Variants in THRB observed in about 807,000 individuals in gnomAD.
The protein encoded by THRB is nuclear receptor subfamily 1 group A member 2.
THRB carries 12 observed loss-of-function variants against 47.8 expected under a neutral mutation model. The observed-to-expected ratio is 0.25, with a 90% CI of 0.16 to 0.41. The LOEUF (loss-of-function observed/expected upper bound fraction) is 0.41, where lower values mean the gene tolerates loss of function less well. THRB is among the 10% of genes least tolerant of loss of function. The probability of loss-of-function intolerance (pLI) is 1.00; values close to 1 mark genes in which losing one functional copy is unlikely to be tolerated. For synonymous variants in THRB, 218 were observed against 212.2 expected (o/e 1.03, Z -0.24); for missense variants, 348 against 589.2 (o/e 0.59, Z 4.24).
At chr3:24,403,109 A>C (rs1347110500) in intron 1 of THRB, among the ~76,000 whole-genome samples, 1 of 152,022 alleles carries the variant, frequency 6.6e-6, no homozygotes, top group Non-Finnish European at 1.5e-5. Context: ...AACAACATAG[A>C]TCTCTGAAAA....
intron 3 of THRB, among the ~76,000 whole-genome samples, chr3:24,234,342 C>A (rs1468034618): frequency 6.6e-6 from 1 of 152,066 alleles, no homozygotes; most frequent in Non-Finnish European, 1.5e-5. Context: ...TCTTAAAATG[C>A]AGATAGCTAA....
intron 8 of THRB, among the ~76,000 whole-genome samples, chr3:24,137,567 A>G (rs1470143489): frequency 6.6e-6 from 1 of 152,192 alleles, no homozygotes; most frequent in East Asian, 1.9e-4. Context: ...CACTCAAGGC[A>G]GAGAGGAAAG....
chr3:24,373,696 T>C (rs1308269439), intron 1 of THRB, among the ~76,000 whole-genome samples: 3 of 152,104 alleles, frequency 2.0e-5, no homozygotes, highest in African/African-American at 4.8e-5. Flanking sequence ...CAACTAAATA[T>C]GGCCTGAGAA....
At chr3:24,354,869 C>G (rs1169560285) in intron 1 of THRB, among the ~76,000 whole-genome samples, 3 of 151,978 alleles carry the variant, frequency 2.0e-5, no homozygotes, top group African/African-American at 7.2e-5. Flanking sequence ...CTCCATAAAT[C>G]CACATTGATA....
chr3:24,283,318 A>T (rs1401485344), intron 3 of THRB, among the ~76,000 whole-genome samples: 2 of 152,186 alleles, frequency 1.3e-5, no homozygotes, highest in African/African-American at 2.4e-5. Context: ...TATAAACAGA[A>T]CCAAAGACAA....
chr3:24,379,327 A>T (rs921563347), intron 1 of THRB, among the ~76,000 whole-genome samples: 19 of 152,128 alleles, frequency 1.2e-4, no homozygotes, highest in African/African-American at 4.3e-4. Context: ...AGACTGAGAG[A>T]TAGGAAAGGT....
intron 3 of THRB, among the ~76,000 whole-genome samples, chr3:24,252,088 T>C (rs985290824): frequency 5.9e-5 from 9 of 152,118 alleles, no homozygotes; most frequent in Non-Finnish European, 1.3e-4. Context: ...TAAAATGGTA[T>C]GTGATAATAG....
At chr3:24,382,917 C>T (rs2065819991) in intron 1 of THRB, among the ~76,000 whole-genome samples, 5 of 152,104 alleles carry the variant, frequency 3.3e-5, no homozygotes, top group Admixed American at 1.3e-4. Flanking sequence ...CAGGCACCCT[C>T]AGTTCCTTGA....
chr3:24,470,641 G>C lies in THRB; in HGVS notation c.-261+24011C>G, dbSNP rs116112184. Among the ~76,000 whole-genome samples, 145 of 152,270 alleles carry C rather than the reference G, an allele frequency of 9.5e-4. 1 individual carries two copies. Among genetic ancestry groups the C allele is most frequent in the African/African-American group, 3.2e-3 (132 of 41,562 alleles). On this transcript the variant is annotated intron_variant, in intron 1 of 10. Transcript: ENST00000646209. ...AATGTAGAGACTTTTTTTTGAGACA[G>C]AGTGTCACTTCTTCTCCCAGGCTGG...
chr3:24,448,228 A>T (rs2072297944), intron 1 of THRB, among the ~76,000 whole-genome samples: 1 of 152,118 alleles, frequency 6.6e-6, no homozygotes, highest in Non-Finnish European at 1.5e-5. Flanking sequence ...TTAAGGATGT[A>T]AGTATAACTT....
intron 1 of THRB, among the ~76,000 whole-genome samples, chr3:24,422,585 C>A (rs531733132): frequency 6.6e-6 from 1 of 152,006 alleles, no homozygotes; most frequent in Admixed American, 6.6e-5. Flanking sequence ...CCATTTCTGG[C>A]AAAATGGGAG....
intron 5 of THRB, among the ~76,000 whole-genome samples, chr3:24,169,662 A>G (rs1409309741): frequency 6.7e-6 from 1 of 148,160 alleles, no homozygotes; most frequent in African/African-American, 2.5e-5. Flanking sequence ...AATTATATAT[A>G]CATAATAATT....
chr3:24,227,616 G>T lies in THRB; in HGVS notation c.22+1322C>A, dbSNP rs193097208. 1.1e-4 allele frequency among the ~76,000 whole-genome samples: 17 copies of T among 152,294 alleles called. No homozygotes were observed. The East Asian group carries it at 2.9e-3, about 26-fold the overall frequency. ...GGTAGAGAGGCTGGGCAAAGATGCT[G>T]GGAGAGTTAAAGTTTATGGTCATTG... On this transcript the variant is annotated intron_variant, in intron 4 of 10. Coordinates refer to ENST00000646209, the MANE Select transcript of THRB (RefSeq NM_001354712.2).
chr3:24,286,635 A>G (rs1022419750), intron 3 of THRB, among the ~76,000 whole-genome samples: 2 of 152,166 alleles, frequency 1.3e-5, no homozygotes, highest in African/African-American at 4.8e-5. Flanking sequence ...CACTCAATTC[A>G]AGCTCGACGC....
chr3:24,443,459 T>A (rs757772958), intron 1 of THRB, among the ~76,000 whole-genome samples: 15 of 152,210 alleles, frequency 9.9e-5, no homozygotes, highest in Non-Finnish European at 1.9e-4. Flanking sequence ...AAAATCTTTC[T>A]AATCATTACA....
upstream of THRB, chr3:24,495,300 C>CCCG (rs1281136070): frequency 0.25 from 1,088 of 4,366 alleles, 13 homozygotes; most frequent in African/African-American, 0.46. Flanking sequence ...TGGCGCACAC[C>CCCG]CCGCCGCCGC....
chr3:24,307,591 T>C (rs907923439), intron 2 of THRB, among the ~76,000 whole-genome samples: 3 of 152,178 alleles, frequency 2.0e-5, no homozygotes, highest in Non-Finnish European at 4.4e-5. Flanking sequence ...CAAATACAAA[T>C]AATGCCACAA....
intron 6 of THRB, among the ~76,000 whole-genome samples, chr3:24,148,532 G>T (rs1446432725): frequency 6.6e-6 from 1 of 152,236 alleles, no homozygotes; most frequent in Non-Finnish European, 1.5e-5. Flanking sequence ...AAAGTGCTGG[G>T]ATTACAGGCA....
chr3:24,167,041 T>C (rs2039733020), intron 5 of THRB, among the ~76,000 whole-genome samples: 1 of 152,160 alleles, frequency 6.6e-6, no homozygotes. Context: ...TAATAGCATG[T>C]ATATTAAATA....
Sources: gnomAD v4.1 joint callset for allele counts (sites outside exome capture counted in the v4.1 genomes callset) on GRCh38, gnomAD v4.1.1 for gene constraint, MANE v1.5 for transcripts, NCBI Gene and HGNC (gene_info 2026-07-23, HGNC 2026-07-21) for gene names.